CD44: variants seen among roughly 807,000 people sequenced by gnomAD.
CD44 encodes CD44 antigen.
In CD44, 49 loss-of-function variants were observed where a neutral mutation model predicts 88.8. The ratio of observed to expected loss-of-function variants is 0.55; its 90% CI spans 0.44 to 0.70. The LOEUF (loss-of-function observed/expected upper bound fraction) is 0.70. Ranked by LOEUF, CD44 falls within the 30% of genes least tolerant of loss-of-function variation. CD44 has a pLI of 0.00. For missense variants in CD44, 883 were observed against 913.8 expected (o/e 0.97, Z 0.43); for synonymous variants, 325 against 312.3 (o/e 1.04, Z -0.43).
At chr11:35,221,769 G>A (rs775126778) in intron 17 of CD44, 37 bp downstream of exon 17, 34 of 1,560,498 alleles carry the variant, frequency 2.2e-5, no homozygotes, top group Non-Finnish European at 2.7e-5. Flanking sequence ...ACTTGGAAAG[G>A]GCATCATTTA....
chr11:35,151,127 G>A (rs1860239270), intron 1 of CD44, among the ~76,000 whole-genome samples: 1 of 152,162 alleles, frequency 6.6e-6, no homozygotes, highest in South Asian at 2.1e-4. Flanking sequence ...AGAGAGGGGA[G>A]AGGAGAGAAA....
intron 3 of CD44, among the ~76,000 whole-genome samples, chr11:35,183,514 A>G (rs1945358414): frequency 6.6e-6 from 1 of 152,202 alleles, no homozygotes; most frequent in South Asian, 2.1e-4. Context: ...TTTAGCCTGA[A>G]AGCTGCTAGC....
intron 7 of CD44, among the ~76,000 whole-genome samples, chr11:35,199,707 T>C (rs1454513898): frequency 6.6e-6 from 1 of 152,078 alleles, no homozygotes; most frequent in Non-Finnish European, 1.5e-5. Flanking sequence ...AATAAGAAAA[T>C]TCCTTTTGGT....
intron 5 of CD44, chr11:35,190,454 G>A (rs1306455071): frequency 4.3e-6 from 1 of 230,314 alleles, no homozygotes; most frequent in African/African-American, 2.3e-5. Flanking sequence ...TTTTCATAAA[G>A]TTGGGATCAT....
Position 35,231,544 on chromosome 11 carries a change from T to A in CD44, c.*2211T>A, listed in dbSNP as rs1357922849. 6.6e-6 allele frequency: 1 copy of A among 152,258 alleles called. No homozygotes were observed. The highest frequency in any genetic ancestry group is 2.4e-5 in the African/African-American group (1 of 41,458). 9.4% of individuals were successfully genotyped at this position (152,258 alleles called of 1,614,324 possible). ...ACTGTTGTAGTCCCTCACTTGGATA[T>A]ACCTCTGTTTTCACGATAGAAATAA... is the stretch of plus-strand genomic sequence containing the variant. On this transcript the variant is annotated 3_prime_UTR_variant, in exon 18 of 18. Coordinates refer to ENST00000428726, the MANE Select transcript of CD44 (RefSeq NM_000610.4).
At chr11:35,182,955 T>C (rs1565084085) in intron 3 of CD44, among the ~76,000 whole-genome samples, 1 of 152,216 alleles carries the variant, frequency 6.6e-6, no homozygotes, top group African/African-American at 2.4e-5. Flanking sequence ...CTAGGCAGGC[T>C]GCGACTGAGA....
chr11:35,140,662 T>C (rs915491910), intron 1 of CD44, among the ~76,000 whole-genome samples: 1 of 152,120 alleles, frequency 6.6e-6, no homozygotes, highest in South Asian at 2.1e-4. Context: ...TGAGAGGTCT[T>C]TGCTAGGTGG....
At chr11:35,227,574 T>TC (rs1949792630) in intron 17 of CD44, among the ~76,000 whole-genome samples, 1 of 152,150 alleles carries the variant, frequency 6.6e-6, no homozygotes, top group Non-Finnish European at 1.5e-5. Flanking sequence ...CAAGCATCCT[T>TC]CCCCCAACCC....
intron 17 of CD44, among the ~76,000 whole-genome samples, chr11:35,225,115 A>G (rs1414983282): frequency 6.6e-6 from 1 of 151,772 alleles, no homozygotes; most frequent in Non-Finnish European, 1.5e-5. Flanking sequence ...CACTTGAACT[A>G]TGGCTAGTTC....
Position 35,139,254 on chromosome 11 carries a change from AG to A in CD44, c.-47del. On this transcript the variant is annotated 5_prime_UTR_variant, in exon 1 of 18. Transcript: ENST00000428726. The stretch of plus-strand genomic sequence containing the variant: ...CTCCGCCGGCCCCTGCCCCGCGCCC[AG>A]GGATCCTCCAGCTCCTTTCGCCCGC... 6.8e-7 allele frequency: 1 copy of A among 1,480,918 alleles called. No homozygotes were observed. The highest frequency in any genetic ancestry group is 1.4e-5 in the African/African-American group (1 of 71,672). The allele number at this position is 1,480,918 out of a possible 1,614,324, so 91.7% of individuals were successfully genotyped here. A position where few individuals can be genotyped will look rare whatever the true frequency, so the allele number is the denominator to read the frequency against.
chr11:35,218,647 T>A (rs1359816042), intron 15 of CD44, among the ~76,000 whole-genome samples: 1 of 152,196 alleles, frequency 6.6e-6, no homozygotes, highest in Non-Finnish European at 1.5e-5. Flanking sequence ...TGTTGGCTCC[T>A]ATGATGCTAT....
rs186157897 is a variant in CD44 at position 35,139,963 on chromosome 11, A to G, written c.67+593A>G. Reference sequence around the variant, plus strand: ...GTCACTGCCACCTTAGCGCTGTGGAAGCTTGAACCAGCTCTGCGGTGAGGT... The same window carrying G: ...GTCACTGCCACCTTAGCGCTGTGGAGGCTTGAACCAGCTCTGCGGTGAGGT... On this transcript the variant is annotated intron_variant, in intron 1 of 17. Transcript: ENST00000428726. Among the ~76,000 whole-genome samples, 41 of 152,330 alleles carry G rather than the reference A, an allele frequency of 2.7e-4. 1 individual carries two copies. The highest frequency in any genetic ancestry group is 3.4e-3 in the Middle Eastern group (1 of 294).
intron 1 of CD44, among the ~76,000 whole-genome samples, chr11:35,143,386 G>A (rs368762216): frequency 1.1e-4 from 16 of 150,820 alleles, no homozygotes; most frequent in Admixed American, 6.0e-4. Flanking sequence ...ATGTGAAGCC[G>A]GGGGTAGCAC....
intron 17 of CD44, among the ~76,000 whole-genome samples, chr11:35,224,409 C>A (rs949925804): frequency 6.6e-6 from 1 of 152,086 alleles, no homozygotes; most frequent in Non-Finnish European, 1.5e-5. Flanking sequence ...TTGATAGATA[C>A]TGCGTGAGGC....
At position 35,204,518 on chromosome 11, in the gene CD44, C is replaced by T; in HGVS notation, c.1160C>T (p.Ala387Val). Residue 387 changes from alanine to valine, a missense_variant, in exon 10 of 18, where the codon GCA (alanine) becomes GTA (valine). Coordinates refer to ENST00000428726, the MANE Select transcript of CD44 (RefSeq NM_000610.4). ...ACTGATATTCTTCTCACAGTCCAGG[C>T]AACTCCTAGTAGTACAACGGAAGAA... The part of the protein sequence containing the change: ...ETPHSTSTIQ[A>V]TPSSTTEETA... 6.2e-7 allele frequency: 1 copy of T among 1,613,124 alleles called. No individual in the cohort carries two copies. The highest frequency in any genetic ancestry group is 1.1e-5 in the South Asian group (1 of 91,060).
intron 1 of CD44, among the ~76,000 whole-genome samples, chr11:35,172,119 A>G (rs1023102506): frequency 6.6e-6 from 1 of 151,936 alleles, no homozygotes. Context: ...TGAGCATCTC[A>G]GACAACGGCT....
At chr11:35,167,548 G>A (rs1053522034) in intron 1 of CD44, among the ~76,000 whole-genome samples, 1 of 152,120 alleles carries the variant, frequency 6.6e-6, no homozygotes, top group African/African-American at 2.4e-5. Flanking sequence ...GCAAATCAGA[G>A]GACAGAAATA....
chr11:35,197,334 C>T (rs1448837109), intron 6 of CD44: 1 of 152,578 alleles, frequency 6.6e-6, no homozygotes, highest in Non-Finnish European at 1.5e-5. Context: ...CCTAAGATAG[C>T]CTGAATCTCA....
intron 1 of CD44, among the ~76,000 whole-genome samples, chr11:35,152,384 A>C (rs1451778002): frequency 6.6e-6 from 1 of 152,206 alleles, no homozygotes; most frequent in African/African-American, 2.4e-5. Flanking sequence ...AGTCTACCAG[A>C]AATAGCCCCT....
Sources: allele counts gnomAD v4.1 joint callset (sites outside exome capture counted in the v4.1 genomes callset), GRCh38; gene constraint gnomAD v4.1.1; transcripts MANE v1.5; gene names NCBI Gene and HGNC (gene_info 2026-07-23, HGNC 2026-07-21).